SDK1: variants seen among roughly 807,000 people sequenced by gnomAD.
SDK1 encodes sidekick cell adhesion molecule 1, also known as protein sidekick-1.
Under a neutral mutation model 245.5 loss-of-function variants are expected in SDK1, and 157 were observed. The observed-to-expected ratio is 0.64, with a 90% CI of 0.56 to 0.73. SDK1 has a LOEUF of 0.73. SDK1 is among the 30% of genes least tolerant of loss of function. SDK1 has a pLI of 0.00. For missense variants in SDK1, 3,583 were observed against 3,002.3 expected (o/e 1.19, Z -4.52); for synonymous variants, 1,647 against 1,278.5 (o/e 1.29, Z -6.15).
intron 40 of SDK1, among the ~76,000 whole-genome samples, chr7:4,225,474 G>T (rs576031620): frequency 6.6e-6 from 1 of 152,146 alleles, no homozygotes; most frequent in Admixed American, 6.5e-5. Context: ...TCTTAACGCT[G>T]TGAACACATC....
chr7:3,445,595 C>A, intron 1 of SDK1, among the ~76,000 whole-genome samples: 1 of 152,158 alleles, frequency 6.6e-6, no homozygotes, highest in East Asian at 1.9e-4. Flanking sequence ...ATGGATATTG[C>A]TTATATAATT....
chr7:3,945,616 C>T (rs1780542643), intron 5 of SDK1, among the ~76,000 whole-genome samples: 1 of 152,076 alleles, frequency 6.6e-6, no homozygotes, highest in South Asian at 2.1e-4. Context: ...AAGTTGAGGG[C>T]CGGGCTTGGT....
intron 16 of SDK1, among the ~76,000 whole-genome samples, chr7:4,015,073 A>G (rs573079400): frequency 1.3e-5 from 2 of 152,216 alleles, no homozygotes; most frequent in East Asian, 1.9e-4. Flanking sequence ...TTAAAAATGT[A>G]TATATATTTA....
intron 4 of SDK1, among the ~76,000 whole-genome samples, chr7:3,646,344 CAGTA>C (rs1173276200): frequency 6.6e-6 from 1 of 150,512 alleles, no homozygotes; most frequent in Non-Finnish European, 1.5e-5. Flanking sequence ...TCAAGGGAAA[CAGTA>C]AGTCTAATGT....
chr7:3,425,855 A>G (rs1412790221), intron 1 of SDK1, among the ~76,000 whole-genome samples: 4 of 152,192 alleles, frequency 2.6e-5, no homozygotes, highest in African/African-American at 7.2e-5. Flanking sequence ...TTCCCTCAGC[A>G]AGATGTGTCT....
intron 44 of SDK1, among the ~76,000 whole-genome samples, chr7:4,253,244 T>C (rs967256134): frequency 6.6e-6 from 1 of 152,346 alleles, no homozygotes; most frequent in African/African-American, 2.4e-5. Flanking sequence ...GATCTTTCTT[T>C]TTTTGTAAAT....
chr7:3,974,479 G>C lies in SDK1; in HGVS notation c.1928G>C (p.Gly643Ala), dbSNP rs1428808634. Residue 643 changes from glycine (G) to alanine (A), a missense_variant, in exon 13 of 45, where the codon GGT (glycine) becomes GCT (alanine). Physicochemically the swap from Gly to Ala is moderately conservative, Grantham distance 60. Transcript: ENST00000404826. ...LISQTWSGDI[G>A]DYSCEIVSEG... ...AGCCAGACGTGGTCAGGCGACATCG[G>C]TGACTACAGCTGCGAGATTGTTTCT... The C allele has an allele frequency of 6.2e-7, 1 of 1,614,172 alleles. No homozygotes were observed. The highest frequency in any genetic ancestry group is 8.5e-7 in the Non-Finnish European group (1 of 1,180,022).
chr7:4,082,000 C>A lies in SDK1; in HGVS notation c.3324+2416C>A, dbSNP rs370420781. 8.5e-5 allele frequency among the ~76,000 whole-genome samples: 13 copies of A among 152,296 alleles called. No individual in the cohort carries two copies. The East Asian group carries it at 2.5e-3, about 29-fold the overall frequency. On this transcript the variant is annotated intron_variant, in intron 22 of 44. Coordinates refer to ENST00000404826, the MANE Select transcript of SDK1 (RefSeq NM_152744.4). ...TAACAAAAGGAAAACCAGACCCCTG[C>A]TTGGAGCATATACTGTGTGATTCCA...
chr7:3,967,862 C>T (rs1562589171), intron 10 of SDK1, among the ~76,000 whole-genome samples: 1 of 152,224 alleles, frequency 6.6e-6, no homozygotes, highest in Non-Finnish European at 1.5e-5. Context: ...AGGTCTGCAG[C>T]CCAGGGCTTG....
intron 4 of SDK1, among the ~76,000 whole-genome samples, chr7:3,798,636 C>T (rs996486391): frequency 3.9e-5 from 6 of 152,194 alleles, no homozygotes; most frequent in African/African-American, 1.4e-4. Context: ...TTGGCGTCAA[C>T]ATGACTTGTC....
At chr7:4,065,974 T>A (rs1412490981) in intron 19 of SDK1, among the ~76,000 whole-genome samples, 1 of 152,112 alleles carries the variant, frequency 6.6e-6, no homozygotes, top group Non-Finnish European at 1.5e-5. Flanking sequence ...TTGCATTTTT[T>A]ATTACTAAAA....
At chr7:3,935,877 A>T (rs1396106561) in intron 5 of SDK1, among the ~76,000 whole-genome samples, 1 of 152,234 alleles carries the variant, frequency 6.6e-6, no homozygotes, top group Non-Finnish European at 1.5e-5. Context: ...TGGTCTAGCA[A>T]TTCCACTTCT....
chr7:4,168,984 G>GGA (rs1341557220), intron 32 of SDK1, among the ~76,000 whole-genome samples: 1 of 152,228 alleles, frequency 6.6e-6, no homozygotes, highest in Non-Finnish European at 1.5e-5. Flanking sequence ...GGGTGGACCA[G>GGA]GAGCCTTGGG....
chr7:3,680,820 T>C (rs1784076537), intron 4 of SDK1, among the ~76,000 whole-genome samples: 2 of 152,056 alleles, frequency 1.3e-5, no homozygotes, highest in African/African-American at 4.8e-5. Flanking sequence ...AGCCACTTTG[T>C]ATTTCTTATT....
At chr7:4,189,349 G>T (rs1267822879) in intron 35 of SDK1, among the ~76,000 whole-genome samples, 1 of 152,158 alleles carries the variant, frequency 6.6e-6, no homozygotes, top group Non-Finnish European at 1.5e-5. Flanking sequence ...GGCTCACATG[G>T]TTACTCAGGC....
intron 29 of SDK1, 59 bp from the exon 30 acceptor site, chr7:4,149,203 A>G: frequency 5.8e-6 from 8 of 1,370,322 alleles, no homozygotes; most frequent in South Asian, 1.6e-5. Flanking sequence ...CCTCCTGGGG[A>G]TGTTCCTTGG....
chr7:3,895,946 A>C (rs554764565), intron 5 of SDK1, among the ~76,000 whole-genome samples: 1 of 152,050 alleles, frequency 6.6e-6, no homozygotes. Flanking sequence ...CAGAAAACAT[A>C]CTCTGCATGA....
intron 4 of SDK1, among the ~76,000 whole-genome samples, chr7:3,653,337 C>A (rs918392308): frequency 2.6e-5 from 4 of 152,130 alleles, no homozygotes; most frequent in African/African-American, 9.7e-5. Context: ...TCTTGAAAAA[C>A]TCGGTTGTCA....
At chr7:3,531,826 G>T (rs894230555) in intron 1 of SDK1, among the ~76,000 whole-genome samples, 3 of 152,164 alleles carry the variant, frequency 2.0e-5, no homozygotes, top group African/African-American at 4.8e-5. Flanking sequence ...AATATACAAA[G>T]AGTTCATAAG....
Sources: gnomAD v4.1 joint callset for allele counts (sites outside exome capture counted in the v4.1 genomes callset) on GRCh38, gnomAD v4.1.1 for gene constraint, MANE v1.5 for transcripts, NCBI Gene and HGNC (gene_info 2026-07-23, HGNC 2026-07-21) for gene names.